Variants in DPP6 observed in about 807,000 individuals in gnomAD.
The protein encoded by DPP6 is A-type potassium channel modulatory protein DPP6.
In DPP6, 69 loss-of-function variants were observed where a neutral mutation model predicts 122.6. That is an observed-to-expected ratio of 0.56 (90% CI 0.46 to 0.69). DPP6 has a LOEUF of 0.69. DPP6 is among the 30% of genes least tolerant of loss of function. The probability of loss-of-function intolerance (pLI) is 0.00; values close to 1 mark genes in which losing one functional copy is unlikely to be tolerated. For synonymous variants in DPP6, 418 were observed against 433.1 expected (o/e 0.97, Z 0.43); for missense variants, 928 against 1,116.9 (o/e 0.83, Z 2.41).
chr7:153,802,055 T>C, the DPP6 span, among the ~76,000 whole-genome samples: 1 of 152,220 alleles, frequency 6.6e-6, no homozygotes, highest in Non-Finnish European at 1.5e-5. Context: ...CAGATGGTTA[T>C]GTGGTGGCAA....
At chr7:153,750,957 T>C in the DPP6 span, among the ~76,000 whole-genome samples, 9 of 152,230 alleles carry the variant, frequency 5.9e-5, no homozygotes, top group South Asian at 1.9e-3. Flanking sequence ...GTTTGTCTTG[T>C]AGGTTGCTGT....
At chr7:154,325,221 C>T (rs1232853724) in intron 1 of DPP6, among the ~76,000 whole-genome samples, 1 of 152,108 alleles carries the variant, frequency 6.6e-6, no homozygotes, top group African/African-American at 2.4e-5. Flanking sequence ...GGTGCCCAGA[C>T]CCCCAATGGC....
intron 25 of DPP6, among the ~76,000 whole-genome samples, chr7:154,891,706 C>G (rs1040258635): frequency 2.6e-4 from 39 of 152,248 alleles, no homozygotes; most frequent in African/African-American, 8.4e-4. Flanking sequence ...CTACCTCAGC[C>G]TCCCGAGTAG....
intron 6 of DPP6, among the ~76,000 whole-genome samples, chr7:154,645,246 T>C (rs181743149): frequency 6.6e-6 from 1 of 151,524 alleles, no homozygotes; most frequent in Non-Finnish European, 1.5e-5. Flanking sequence ...TTTGTATTTT[T>C]AGTAGAGACG....
chr7:154,689,150 T>A (rs926882983), intron 7 of DPP6, among the ~76,000 whole-genome samples: 2 of 152,228 alleles, frequency 1.3e-5, no homozygotes, highest in South Asian at 4.1e-4. Context: ...ATAGTGAAGA[T>A]GCAACCCTCG....
intron 11 of DPP6, among the ~76,000 whole-genome samples, chr7:154,794,832 C>T (rs1331135949): frequency 2.0e-5 from 3 of 149,676 alleles, no homozygotes; most frequent in Non-Finnish European, 4.5e-5. Context: ...AAGCAGGTCA[C>T]CTTGTGGCGG....
rs1427287352 is a variant in DPP6, at chr7:154,877,821, C to T, written c.2078+1721C>T. Among the ~76,000 whole-genome samples, 8 of 152,198 alleles carry T rather than the reference C, an allele frequency of 5.3e-5. No homozygotes were observed. Among genetic ancestry groups the T allele is most frequent in the Admixed American group, 5.2e-4 (8 of 15,276 alleles). On this transcript the variant is annotated intron_variant, in intron 20 of 25. Coordinates refer to ENST00000377770, the MANE Select transcript of DPP6 (RefSeq NM_130797.4). The surrounding 1 kb of genome is among the most constrained non-coding windows in gnomAD (Gnocchi z 5.2). ...AGAGACCAAGTGGGTCCGTCTGACA[C>T]CAGTGTGGGGCCAGCCCCTGAGCAG...
intron 1 of DPP6, among the ~76,000 whole-genome samples, chr7:153,909,522 A>G (rs1266367913): frequency 1.3e-5 from 2 of 152,112 alleles, no homozygotes; most frequent in Admixed American, 1.3e-4. Context: ...ATAACTCAAT[A>G]CTATAATGCC....
At chr7:153,967,863 G>A (rs73729245) in intron 1 of DPP6, among the ~76,000 whole-genome samples, 1 of 151,656 alleles carries the variant, frequency 6.6e-6, no homozygotes, top group African/African-American at 2.4e-5. Context: ...AGCTGAGTTA[G>A]TGAGTCCTAT....
At chr7:154,653,821 C>G (rs1003120475) in intron 6 of DPP6, among the ~76,000 whole-genome samples, 4 of 152,100 alleles carry the variant, frequency 2.6e-5, no homozygotes, top group Admixed American at 2.6e-4. Flanking sequence ...GAGCACTGAT[C>G]TTGATATTAG....
chr7:154,665,646 G>T (rs1465845004), intron 6 of DPP6, among the ~76,000 whole-genome samples: 1 of 151,904 alleles, frequency 6.6e-6, no homozygotes, highest in Non-Finnish European at 1.5e-5. Context: ...TGCTAACTGT[G>T]CTCATTGCTA....
chr7:154,589,757 G>A (rs549307155), intron 5 of DPP6, among the ~76,000 whole-genome samples: 55 of 152,326 alleles, frequency 3.6e-4, no homozygotes, highest in African/African-American at 1.2e-3. Context: ...TTTGCAGACA[G>A]CTCTCCTATC....
chr7:153,778,003 G>A, the DPP6 span, among the ~76,000 whole-genome samples: 3 of 147,178 alleles, frequency 2.0e-5, no homozygotes, highest in African/African-American at 8.2e-5. Context: ...TGTGGGACAG[G>A]AACAAACCAG....
At chr7:153,891,019 T>G (rs1584989680) in intron 1 of DPP6, among the ~76,000 whole-genome samples, 1 of 10,128 alleles carries the variant, frequency 9.9e-5, no homozygotes, top group Non-Finnish European at 2.8e-4. Context: ...TCTATTTTAA[T>G]TTTTTTTTTT....
At chr7:154,073,427 T>G (rs62485616) in intron 1 of DPP6, among the ~76,000 whole-genome samples, 1 of 147,464 alleles carries the variant, frequency 6.8e-6, no homozygotes, top group South Asian at 2.2e-4. Context: ...TCCGTGGCTC[T>G]GGCTCCTGTT....
At chr7:154,036,020 T>TTGTGTG (rs1162400104) in intron 1 of DPP6, among the ~76,000 whole-genome samples, 8 of 54,548 alleles carry the variant, frequency 1.5e-4, no homozygotes, top group Admixed American at 2.5e-4. Context: ...GCGCGCGCGC[T>TTGTGTG]TGTGTGTGTG....
At chr7:154,424,688 T>C (rs559292627) in intron 1 of DPP6, among the ~76,000 whole-genome samples, 2 of 152,326 alleles carry the variant, frequency 1.3e-5, no homozygotes, top group Non-Finnish European at 2.9e-5. Flanking sequence ...TTCTGGGAAT[T>C]AGGATTTAGA....
chr7:154,529,838 A>C (rs926561538), intron 3 of DPP6, among the ~76,000 whole-genome samples: 3 of 152,198 alleles, frequency 2.0e-5, no homozygotes, highest in African/African-American at 7.2e-5. Context: ...TCAATATCCA[A>C]GGTGAGGCTG....
chr7:154,599,187 G>A lies in DPP6; in HGVS notation c.627+32271G>A, dbSNP rs368699738. ...AACAAAAGAGCATATTGATGCTTTG[G>A]TAGAGAACTCAGCAGTCTCCCCTCT... is the stretch of plus-strand genomic sequence containing the variant. On this transcript the variant is annotated intron_variant, in intron 5 of 25. Coordinates refer to ENST00000377770, the MANE Select transcript of DPP6 (RefSeq NM_130797.4). Among the ~76,000 whole-genome samples, 14 of 152,272 alleles carry A rather than the reference G, an allele frequency of 9.2e-5. No homozygotes were observed. The East Asian group carries it at 2.7e-3, about 29-fold the overall frequency.
Sources: gnomAD v4.1 joint callset for allele counts (sites outside exome capture counted in the v4.1 genomes callset) on GRCh38, gnomAD v4.1.1 for gene constraint, Gnocchi (gnomAD v3.1) non-coding constraint, MANE v1.5 for transcripts, NCBI Gene and HGNC (gene_info 2026-07-23, HGNC 2026-07-21) for gene names.